ZNF410: variants seen among roughly 807,000 people sequenced by gnomAD.
ZNF410 encodes the protein another partner for ARF 1.
Under a neutral mutation model 54.8 loss-of-function variants are expected in ZNF410, and 18 were observed. The ratio of observed to expected loss-of-function variants is 0.33; its 90% CI spans 0.23 to 0.49. The LOEUF is 0.49. Among genes scored for constraint, ZNF410 ranks in the 20% least tolerant of loss-of-function variants. The pLI is 0.99. For missense variants in ZNF410, 405 were observed against 569.6 expected, an observed-to-expected ratio of 0.71 and a Z score of 2.94; for synonymous variants, 191 against 207.3, an observed-to-expected ratio of 0.92 and a Z score of 0.68.
intron 5 of ZNF410, among the ~76,000 whole-genome samples, chr14:73,902,554 G>T (rs2055424480): frequency 6.6e-6 from 1 of 152,080 alleles, no homozygotes; most frequent in South Asian, 2.1e-4. Context: ...AACTGCCTTT[G>T]ATTAACCATC....
chr14:73,903,843 T>A (rs1359330059), intron 5 of ZNF410, 117 bp from the exon 6 acceptor site: 2 of 1,344,914 alleles, frequency 1.5e-6, no homozygotes, highest in Non-Finnish European at 2.1e-6. Flanking sequence ...CTGGGGAAGA[T>A]GAAGATAGAT....
At chr14:73,910,057 A>G (rs1000307244) in intron 8 of ZNF410, among the ~76,000 whole-genome samples, 10 of 152,168 alleles carry the variant, frequency 6.6e-5, no homozygotes, top group African/African-American at 2.2e-4. Context: ...GAAGTCAGGT[A>G]CAGCGCAGGG....
Position 73,903,953 on chromosome 14 carries a change from G to A in ZNF410, c.581-7G>A, listed in dbSNP as rs1202935371. 6.2e-7 allele frequency: 1 copy of A among 1,614,108 alleles called. No individual in the cohort carries two copies. The highest frequency in any genetic ancestry group is 1.7e-5 in the Admixed American group (1 of 60,010). On this transcript the variant is annotated splice_polypyrimidine_tract_variant and splice_region_variant and intron_variant, in intron 5 of 11. Transcript: ENST00000555044. ...CCCTGGATTACAAATATGTGACTCT[G>A]TTACAGGAGAAAATGTCCACCTTGG... is the stretch of plus-strand genomic sequence containing the variant.
intron 11 of ZNF410, among the ~76,000 whole-genome samples, chr14:73,929,023 T>C (rs773096742): frequency 6.6e-6 from 1 of 152,248 alleles, no homozygotes; most frequent in Non-Finnish European, 1.5e-5. Flanking sequence ...CCAAAACACT[T>C]AGAAAAATAT....
chr14:73,906,996 T>C (rs929311580), intron 7 of ZNF410, among the ~76,000 whole-genome samples: 5 of 152,138 alleles, frequency 3.3e-5, no homozygotes, highest in African/African-American at 1.2e-4. Context: ...TCAATAATAA[T>C]TAATATAATA....
chr14:73,931,770 C>T lies in ZNF410; in HGVS notation c.*229C>T, dbSNP rs1232284909. On this transcript the variant is annotated 3_prime_UTR_variant, in exon 12 of 12. Coordinates refer to ENST00000555044, the MANE Select transcript of ZNF410 (RefSeq NM_021188.3). ...GAAGCAATGACTGTGGGCTGGGAAA[C>T]TGTACCTACCTCTCTTCCCACTGCA... The T allele has an allele frequency of 1.9e-6, 1 of 535,050 alleles. No individual in the cohort carries two copies. The highest frequency in any genetic ancestry group is 1.9e-5 in the African/African-American group (1 of 51,690). The allele number at this position is 535,050 out of a possible 1,614,324, so 33.1% of individuals were successfully genotyped here.
intron 8 of ZNF410, chr14:73,913,523 A>C (rs565953558): frequency 1.3e-5 from 2 of 152,364 alleles, no homozygotes; most frequent in African/African-American, 4.8e-5. Context: ...TGCAGCTATA[A>C]GGTCACCAGC....
intron 8 of ZNF410, 177 bp downstream of exon 8, chr14:73,909,607 T>TTG (rs1555353707): frequency 2.3e-6 from 1 of 430,040 alleles, no homozygotes; most frequent in Non-Finnish European, 4.2e-6. Flanking sequence ...TAATCAAGGT[T>TTG]GGGGGGGGGA....
chr14:73,909,553 C>T, intron 8 of ZNF410, 123 bp downstream of exon 8: 2 of 732,260 alleles, frequency 2.7e-6, no homozygotes, highest in Non-Finnish European at 4.5e-6. Flanking sequence ...TAGAAAGCTT[C>T]TCATCATCAT....
At chr14:73,890,446 C>G (rs1237845673) in intron 1 of ZNF410, among the ~76,000 whole-genome samples, 2 of 152,054 alleles carry the variant, frequency 1.3e-5, no homozygotes, top group African/African-American at 2.4e-5. Context: ...CCTCGGCCTC[C>G]CAAAGTGCTG....
chr14:73,922,207 G>GT lies in ZNF410; in HGVS notation c.1270+2dup, dbSNP rs1566665473. On this transcript the variant is annotated splice_donor_variant, in intron 10 of 11. Transcript: ENST00000555044. LOFTEE classifies it high-confidence loss of function. ...AATTCTATCCTGGGAGTTGATGATG[G>GT]TAAGACTTCCAACTCTCCTTTATTT... 6.2e-7 allele frequency: 1 copy of GT among 1,612,828 alleles called. No homozygotes were observed. Among genetic ancestry groups the GT allele is most frequent in the East Asian group, 2.2e-5 (1 of 44,866 alleles).
rs1555353430 is a variant in ZNF410, at chr14:73,905,968, C to CATACATATAT, written c.913+888_913+889insCATATATATA. Among the ~76,000 whole-genome samples the CATACATATAT allele has an allele frequency of 3.3e-3, 258 of 78,894 alleles. 3 individuals carry two copies. Among genetic ancestry groups the CATACATATAT allele is most frequent in the African/African-American group, 9.0e-3 (213 of 23,796 alleles). The allele number at this position is 78,894 out of a possible 152,430, so 51.8% of individuals were successfully genotyped here. Reference sequence around the variant, plus strand: ...ATACACACACACACACACACACACACATATATATATATATATATATATATA... The same window carrying CATACATATAT: ...ATACACACACACACACACACACACACATACATATATATATATATATATATATATATATATA... On this transcript the variant is annotated intron_variant, in intron 7 of 11. Transcript: ENST00000555044.
At chr14:73,894,141 G>A (rs574872029) in intron 3 of ZNF410, among the ~76,000 whole-genome samples, 1 of 152,254 alleles carries the variant, frequency 6.6e-6, no homozygotes, top group African/African-American at 2.4e-5. Context: ...GAGTGTGAGA[G>A]TGGGGAAAAA....
At chr14:73,894,461 GC>G in intron 3 of ZNF410, 1 of 689,956 alleles carries the variant, frequency 1.4e-6, no homozygotes, top group African/African-American at 1.8e-5. Flanking sequence ...TCACTCTGTC[GC>G]CCAGGCTGGA....
intron 6 of ZNF410, 64 bp from the exon 7 acceptor site, chr14:73,904,832 GGGGCTT>G: frequency 6.6e-7 from 1 of 1,515,624 alleles, no homozygotes; most frequent in Non-Finnish European, 8.9e-7. Flanking sequence ...AGAGTCAATA[GGGGCTT>G]TGACTTGTCA....
At chr14:73,904,479 T>C (rs1425404207) in intron 6 of ZNF410, among the ~76,000 whole-genome samples, 2 of 152,172 alleles carry the variant, frequency 1.3e-5, no homozygotes, top group South Asian at 2.1e-4. Context: ...TTTTTTTGTT[T>C]AAGAGACAGG....
In ZNF410 at chr14:73,903,893, T is replaced by C. The variant is rs190146328; in HGVS notation, c.581-67T>C. ...CACTAGGAGTAAAATATAGGAGCTTTATTGTTTGAGCCTAAGTATCTGAGT... is the reference window on the plus strand; with the variant it reads ...CACTAGGAGTAAAATATAGGAGCTTCATTGTTTGAGCCTAAGTATCTGAGT... On this transcript the variant is annotated intron_variant, in intron 5 of 11. Transcript: ENST00000555044. The C allele has an allele frequency of 4.9e-5, 78 of 1,581,814 alleles. No homozygotes were observed. In the East Asian group the frequency reaches 1.6e-3, roughly 33 times the overall value.
chr14:73,896,428 A>G lies in ZNF410; in HGVS notation c.282A>G (p.Val94=). The change falls in exon 4 of 12, where the codon GTA becomes GTG. Residue 94 remains valine (V), a synonymous_variant. Transcript: ENST00000555044. ...PDGEETRAQT[V]QKSPEFLSTS... ...GAGAGGAGACGAGAGCTCAGACTGT[A>G]CAGAAATCCCCGGAGTTTTTGTCCA... 1.9e-6 allele frequency: 3 copies of G among 1,614,212 alleles called. No homozygotes were observed. The highest frequency in any genetic ancestry group is 1.1e-5 in the South Asian group (1 of 91,084).
chr14:73,908,896 G>A (rs2140310248), intron 7 of ZNF410, among the ~76,000 whole-genome samples: 1 of 152,164 alleles, frequency 6.6e-6, no homozygotes, highest in Non-Finnish European at 1.5e-5. Flanking sequence ...CTTGAGCCCA[G>A]GAATTTGAGA....
Sources: gnomAD v4.1 joint callset for allele counts (sites outside exome capture counted in the v4.1 genomes callset) on GRCh38, gnomAD v4.1.1 for gene constraint, MANE v1.5 for transcripts, NCBI Gene and HGNC (gene_info 2026-07-23, HGNC 2026-07-21) for gene names.